The following FXYD6 variants were observed in gnomAD, a reference collection of about 807,000 sequenced individuals.
The protein encoded by FXYD6 is FXYD domain-containing ion transport regulator 6.
In FXYD6, 7 loss-of-function variants were observed where a neutral mutation model predicts 16.7. That is an observed-to-expected ratio of 0.42 (90% CI 0.24 to 0.79). The LOEUF is 0.79. FXYD6 is among the 30% of genes least tolerant of loss of function. The pLI is 0.28. For synonymous variants in FXYD6, 49 were observed against 43.0 expected (o/e 1.14, Z -0.54); for missense variants, 111 against 116.2 (o/e 0.95, Z 0.21).
Position 117,850,230 on chromosome 11 carries a change from T to C in FXYD6, c.-5-7449A>G, listed in dbSNP as rs1591563866. On this transcript the variant is annotated intron_variant, in intron 1 of 7. Transcript: ENST00000526014. ...GGTGGTCTTCTGAATAAATCTTTTCTCTTTTGCAAAATCTGTGTCACAGTG... is the reference window on the plus strand; with the variant it reads ...GGTGGTCTTCTGAATAAATCTTTTCCCTTTTGCAAAATCTGTGTCACAGTG... Among the ~76,000 whole-genome samples, 3 of 152,362 alleles carry C rather than the reference T, an allele frequency of 2.0e-5. No homozygotes were observed. In the South Asian group the frequency reaches 6.2e-4, roughly 32 times the overall value.
chr11:117,848,671 T>C (rs2056534435), intron 1 of FXYD6, among the ~76,000 whole-genome samples: 1 of 152,188 alleles, frequency 6.6e-6, no homozygotes, highest in African/African-American at 2.4e-5. Flanking sequence ...ACTTTCTTTG[T>C]GGGAAGATCT....
intron 1 of FXYD6, among the ~76,000 whole-genome samples, chr11:117,855,693 G>C (rs2056709611): frequency 6.6e-6 from 1 of 152,186 alleles, no homozygotes; most frequent in Admixed American, 6.5e-5. Context: ...GGAGTCACTG[G>C]GGGAAGGAGA....
intron 1 of FXYD6, among the ~76,000 whole-genome samples, chr11:117,843,011 G>A (rs961957041): frequency 2.6e-5 from 4 of 151,832 alleles, no homozygotes; most frequent in Non-Finnish European, 4.4e-5. Flanking sequence ...TCGGCTCACT[G>A]CAACCTCCGC....
chr11:117,868,075 G>A (rs1245844519), intron 1 of FXYD6, among the ~76,000 whole-genome samples: 1 of 152,166 alleles, frequency 6.6e-6, no homozygotes, highest in African/African-American at 2.4e-5. Context: ...GTCGCCTGTC[G>A]TTGGCACTAA....
intron 1 of FXYD6, among the ~76,000 whole-genome samples, chr11:117,865,614 A>G (rs761119252): frequency 5.3e-5 from 8 of 152,158 alleles, no homozygotes; most frequent in African/African-American, 1.7e-4. Context: ...GGAGGAACAT[A>G]AGAGTGACTG....
chr11:117,861,772 G>T (rs2056911542), intron 1 of FXYD6, among the ~76,000 whole-genome samples: 1 of 152,218 alleles, frequency 6.6e-6, no homozygotes, highest in South Asian at 2.1e-4. Flanking sequence ...ACCACTGGAA[G>T]GCTCCAGGGT....
intron 1 of FXYD6, chr11:117,869,040 A>G (rs1187042501): frequency 6.6e-6 from 1 of 152,240 alleles, no homozygotes; most frequent in Non-Finnish European, 1.5e-5. Context: ...CAGATCCATC[A>G]GTGGAAAATG....
At chr11:117,843,354 A>T (rs1007668421) in intron 1 of FXYD6, among the ~76,000 whole-genome samples, 11 of 152,232 alleles carry the variant, frequency 7.2e-5, no homozygotes, top group Middle Eastern at 3.2e-3. Context: ...AATGAGGCTG[A>T]CATGCACCAG....
At chr11:117,875,199 T>A in intron 1 of FXYD6, among the ~76,000 whole-genome samples, 1 of 151,844 alleles carries the variant, frequency 6.6e-6, no homozygotes, top group East Asian at 1.9e-4. Context: ...GTGTGTTTGG[T>A]GTGTATGTGT....
rs143925812 is a variant in FXYD6 at position 117,842,793 on chromosome 11, G to T, written c.-5-12C>A. The T allele has an allele frequency of 1.9e-6, 3 of 1,555,952 alleles. No homozygotes were observed. The African/African-American group carries it at 4.1e-5, about 21-fold the overall frequency. On this transcript the variant is annotated splice_polypyrimidine_tract_variant and intron_variant, in intron 1 of 7. Transcript: ENST00000526014. The stretch of plus-strand genomic sequence containing the variant: ...CAACTCCATGGCGTCTGGGGACAGA[G>T]GGAGGAAAAAATGATTCTCTGGCTA...
intron 1 of FXYD6, among the ~76,000 whole-genome samples, chr11:117,868,138 C>T (rs776216980): frequency 7.9e-5 from 12 of 152,182 alleles, no homozygotes; most frequent in East Asian, 3.9e-4. Context: ...ATTCTCCTAT[C>T]GGAAAAGTCT....
chr11:117,842,075 G>A (rs1168250285), intron 2 of FXYD6, 47 bp from the exon 3 acceptor site: 1 of 1,613,550 alleles, frequency 6.2e-7, no homozygotes, highest in South Asian at 1.1e-5. Flanking sequence ...TACACAAACT[G>A]GTTCCCAAAT....
At chr11:117,874,640 C>G (rs2057215517) in intron 1 of FXYD6, among the ~76,000 whole-genome samples, 2 of 152,234 alleles carry the variant, frequency 1.3e-5, no homozygotes, top group African/African-American at 2.4e-5. Context: ...TGTTAGGGCT[C>G]AGAGCCTCCG....
intron 4 of FXYD6, chr11:117,841,443 A>G: frequency 1.7e-6 from 1 of 591,036 alleles, no homozygotes; most frequent in South Asian, 2.0e-5. Context: ...GATCAGGCTC[A>G]TGTGGGAACA....
At chr11:117,840,829 A>G (rs2056322596) in intron 5 of FXYD6, among the ~76,000 whole-genome samples, 1 of 152,076 alleles carries the variant, frequency 6.6e-6, no homozygotes, top group Non-Finnish European at 1.5e-5. Flanking sequence ...TAGAGAGGCC[A>G]GGAAGCCCTC....
At position 117,867,045 on chromosome 11, in the gene FXYD6, A is replaced by C. The variant is rs533556601; in HGVS notation, c.-6+9547T>G. Among the ~76,000 whole-genome samples, 5 of 152,350 alleles carry C rather than the reference A, an allele frequency of 3.3e-5. No homozygotes were observed. The East Asian group carries it at 7.7e-4, about 24-fold the overall frequency. ...ATACTCCCAATCCTAACAGTCATTT[A>C]TATCTTGGCCTGAGTTATTTAATCA... On this transcript the variant is annotated intron_variant, in intron 1 of 7. Coordinates refer to ENST00000526014, the MANE Select transcript of FXYD6 (RefSeq NM_022003.4).
intron 1 of FXYD6, among the ~76,000 whole-genome samples, chr11:117,857,410 A>AT (rs66790457): frequency 0.65 from 90,012 of 138,252 alleles, 30,698 homozygotes; most frequent in East Asian, 0.81. Context: ...AAAGAAGTGG[A>AT]TTTTTTTTTT....
At chr11:117,841,922 CCCTACCCCT>C in intron 3 of FXYD6, 57 bp from the exon 4 acceptor site, 1 of 1,614,000 alleles carries the variant, frequency 6.2e-7, no homozygotes, top group Non-Finnish European at 8.5e-7. Flanking sequence ...TGTCTGTTCC[CCCTACCCCT>C]CCTGCCAGGC....
chr11:117,852,731 C>A (rs562091270), intron 1 of FXYD6, among the ~76,000 whole-genome samples: 2 of 152,358 alleles, frequency 1.3e-5, no homozygotes, highest in Admixed American at 1.3e-4. Context: ...ATTCTCCCCA[C>A]TTTCTCTTTC....
Sources: allele counts gnomAD v4.1 joint callset (sites outside exome capture counted in the v4.1 genomes callset), GRCh38; gene constraint gnomAD v4.1.1; transcripts MANE v1.5; gene names NCBI Gene and HGNC (gene_info 2026-07-23, HGNC 2026-07-21).